The following NAV2 variants were observed in gnomAD, a reference collection of about 807,000 sequenced individuals.
NAV2 encodes the protein neuron navigator 2, also known as helicase, APC down-regulated 1.
NAV2 carries 54 observed loss-of-function variants against 223.2 expected under a neutral mutation model. That is an observed-to-expected ratio of 0.24 (90% confidence interval 0.19 to 0.30). The LOEUF (loss-of-function observed/expected upper bound fraction) is 0.30. Ranked by LOEUF, NAV2 falls within the 10% of genes least tolerant of loss-of-function variation. The pLI, the probability that NAV2 is intolerant of heterozygous loss-of-function variation, is 1.00. For missense variants in NAV2, 2,806 were observed against 3,147.5 expected, an observed-to-expected ratio of 0.89 and a Z score of 2.60; for synonymous variants, 1,279 against 1,239.3, an observed-to-expected ratio of 1.03 and a Z score of -0.67.
intron 11 of NAV2, among the ~76,000 whole-genome samples, chr11:19,988,396 A>G (rs2050994648): frequency 1.3e-5 from 2 of 151,254 alleles, no homozygotes; most frequent in African/African-American, 4.9e-5. Flanking sequence ...CTTTTTATTA[A>G]TTTAGGCGAT....
intron 1 of NAV2, among the ~76,000 whole-genome samples, chr11:19,787,266 GGATCTTTTTTTTTTTTTTT>G (rs1175385163): frequency 2.4e-5 from 2 of 83,030 alleles, no homozygotes; most frequent in African/African-American, 1.0e-4. Context: ...AATTTTTATT[GGATCTTTTTTTTTTTTTTT>G]TTTTTTTTTT....
At chr11:19,804,651 A>G (rs61117900) in intron 1 of NAV2, among the ~76,000 whole-genome samples, 4,236 of 152,288 alleles carry the variant, frequency 0.028, 197 homozygotes, top group African/African-American at 0.096. Flanking sequence ...CTGTCCTTCC[A>G]TCCATCTATT....
At chr11:19,503,986 C>T (rs536790136) in intron 1 of NAV2, 1 of 152,182 alleles carries the variant, frequency 6.6e-6, no homozygotes, top group African/African-American at 2.4e-5. Flanking sequence ...AACAAACAAC[C>T]TGATTAAAAG....
intron 20 of NAV2, among the ~76,000 whole-genome samples, chr11:20,064,280 T>C (rs774869884): frequency 2.0e-5 from 3 of 152,188 alleles, no homozygotes; most frequent in African/African-American, 2.4e-5. Flanking sequence ...GCACCATGGA[T>C]ATACCAGGCT....
rs1261431095 is a variant in NAV2 at position 20,077,556 on chromosome 11, A to T, written c.4988A>T (p.His1663Leu). 6.2e-7 allele frequency: 1 copy of T among 1,613,350 alleles called. No individual in the cohort carries two copies. Among genetic ancestry groups the T allele is most frequent in the African/African-American group, 1.3e-5 (1 of 74,918 alleles). ...AGGTTGTGTCTTCCCCTCCAGGCTC[A>T]CCTTGTGGCAGCCTTTGAACAGAGT... ...ALTTQLTANA[H>L]LVAAFEQSLG... The change falls in exon 23 of 38, where the codon CAC becomes CTC. Residue 1663 changes from histidine to leucine, a missense_variant. His to Leu is a moderately conservative substitution (Grantham distance 99). This residue lies in a region of NAV2 where 824 missense variants were observed against 1,069.4 expected (regional missense o/e 0.77). Coordinates refer to ENST00000349880, the MANE Select transcript of NAV2 (RefSeq NM_145117.5).
chr11:19,521,264 G>C (rs2043645740), intron 1 of NAV2, among the ~76,000 whole-genome samples: 1 of 152,168 alleles, frequency 6.6e-6, no homozygotes, highest in Admixed American at 6.5e-5. Flanking sequence ...TCTGAGAGGA[G>C]GGTGAGGGGG....
At chr11:19,711,959 G>A (rs1044803330), upstream of NAV2, 1 of 152,250 alleles carries the variant, frequency 6.6e-6, no homozygotes, top group Admixed American at 6.5e-5. Flanking sequence ...AGGGTGGGAG[G>A]CTCCTCATTC....
intron 17 of NAV2, among the ~76,000 whole-genome samples, chr11:20,051,745 A>G (rs1470728057): frequency 3.9e-5 from 6 of 152,224 alleles, no homozygotes; most frequent in Non-Finnish European, 8.8e-5. Flanking sequence ...CACAGGAGGC[A>G]AGGAATATTT....
intron 8 of NAV2, among the ~76,000 whole-genome samples, chr11:19,941,623 C>A (rs927673825): frequency 1.3e-5 from 2 of 151,894 alleles, no homozygotes; most frequent in African/African-American, 2.4e-5. Context: ...ATGTACAGAG[C>A]CTTACAGTTG....
At chr11:19,735,004 A>C (rs1201733088) in intron 1 of NAV2, among the ~76,000 whole-genome samples, 1 of 152,222 alleles carries the variant, frequency 6.6e-6, no homozygotes. Flanking sequence ...TTGCTGTGTG[A>C]CCTTAAACAA....
At chr11:19,939,169 C>T (rs1259857224) in intron 7 of NAV2, among the ~76,000 whole-genome samples, 1 of 152,172 alleles carries the variant, frequency 6.6e-6, no homozygotes, top group Non-Finnish European at 1.5e-5. Context: ...AGGGCAAACA[C>T]ACCTGCTTGG....
intron 1 of NAV2, among the ~76,000 whole-genome samples, chr11:19,582,810 G>A (rs1403727365): frequency 6.6e-6 from 1 of 152,170 alleles, no homozygotes. Flanking sequence ...GATGTCTCCA[G>A]CTTTGTTCTT....
intron 1 of NAV2, among the ~76,000 whole-genome samples, chr11:19,694,710 T>C (rs2049277988): frequency 1.3e-5 from 2 of 152,136 alleles, no homozygotes; most frequent in African/African-American, 4.8e-5. Context: ...TAGAATGAAA[T>C]TTTAGAGCCA....
chr11:19,831,225 G>T (rs2059912956), intron 1 of NAV2, among the ~76,000 whole-genome samples: 1 of 59,916 alleles, frequency 1.7e-5, no homozygotes, highest in Non-Finnish European at 3.7e-5. Flanking sequence ...GAGTGTTGCG[G>T]GGGGGGGGGG....
chr11:19,984,368 G>A, intron 11 of NAV2, 121 bp downstream of exon 11: 1 of 1,484,230 alleles, frequency 6.7e-7, no homozygotes, highest in South Asian at 1.2e-5. Flanking sequence ...AGGGAGGGGA[G>A]GCCTGGAATC....
intron 1 of NAV2, among the ~76,000 whole-genome samples, chr11:19,445,817 A>G (rs1337000466): frequency 6.6e-6 from 1 of 150,608 alleles, no homozygotes; most frequent in Non-Finnish European, 1.5e-5. Flanking sequence ...TGTGCCAGGT[A>G]CCATATTAGG....
chr11:19,603,644 A>AG (rs1214103032), intron 1 of NAV2, among the ~76,000 whole-genome samples: 1 of 151,470 alleles, frequency 6.6e-6, no homozygotes, highest in African/African-American at 2.4e-5. Flanking sequence ...AAAAAAAAAA[A>AG]AAAAAGAAAA....
At chr11:19,875,059 A>T (rs1047492043) in intron 4 of NAV2, among the ~76,000 whole-genome samples, 13 of 152,158 alleles carry the variant, frequency 8.5e-5, no homozygotes, top group African/African-American at 2.9e-4. Context: ...CAGGAGGCTG[A>T]CTCAGGAGAA....
chr11:19,349,087 C>A (rs558612335), upstream of NAV2, among the ~76,000 whole-genome samples: 290 of 152,278 alleles, frequency 1.9e-3, 1 homozygote, highest in African/African-American at 6.6e-3. Context: ...CAGCAGAGGG[C>A]TTCAGTCATT....
Sources: allele counts gnomAD v4.1 joint callset (sites outside exome capture counted in the v4.1 genomes callset), GRCh38; gene constraint gnomAD v4.1.1; regional missense constraint gnomAD v4.1.1; transcripts MANE v1.5; gene names NCBI Gene and HGNC (gene_info 2026-07-23, HGNC 2026-07-21).